The following NEK7 variants were observed in gnomAD, a reference collection of about 807,000 sequenced individuals.
NEK7 encodes the protein NIMA related kinase 7.
NEK7 carries 18 observed loss-of-function variants against 44.6 expected under a neutral mutation model. That is an observed-to-expected ratio of 0.40 (90% CI 0.28 to 0.60). NEK7 has a LOEUF of 0.60. NEK7 is among the 20% of genes least tolerant of loss of function. The pLI, the probability that NEK7 is intolerant of heterozygous loss-of-function variation, is 0.38. For synonymous variants in NEK7, 130 were observed against 121.1 expected, an observed-to-expected ratio of 1.07 and a Z score of -0.48; for missense variants, 256 against 366.5, an observed-to-expected ratio of 0.70 and a Z score of 2.46.
chr1:198,312,470 C>T (rs1655220007), intron 9 of NEK7, among the ~76,000 whole-genome samples: 2 of 151,864 alleles, frequency 1.3e-5, no homozygotes. Flanking sequence ...TTATTTCTTG[C>T]CTTGTGCTAG....
chr1:198,279,363 G>A (rs116625206), intron 7 of NEK7, among the ~76,000 whole-genome samples: 85 of 151,850 alleles, frequency 5.6e-4, no homozygotes, highest in African/African-American at 2.0e-3. Context: ...TAGATAATAT[G>A]GTGATTAAGC....
intron 8 of NEK7, among the ~76,000 whole-genome samples, chr1:198,294,966 C>T (rs1654667581): frequency 6.6e-6 from 1 of 151,854 alleles, no homozygotes; most frequent in South Asian, 2.1e-4. Context: ...TTGGTCATAA[C>T]ATCACGTATT....
intron 1 of NEK7, among the ~76,000 whole-genome samples, chr1:198,194,179 A>T (rs952261134): frequency 3.9e-5 from 6 of 152,160 alleles, no homozygotes; most frequent in Non-Finnish European, 8.8e-5. Flanking sequence ...GGAAATCCGG[A>T]TGGAGATGTT....
At chr1:198,216,391 C>CA (rs1665920966) in intron 1 of NEK7, among the ~76,000 whole-genome samples, 1 of 151,880 alleles carries the variant, frequency 6.6e-6, no homozygotes. Context: ...TGAATGATAA[C>CA]AGTGGCACAA....
chr1:198,206,245 A>C (rs953642017), intron 1 of NEK7, among the ~76,000 whole-genome samples: 1 of 152,194 alleles, frequency 6.6e-6, no homozygotes, highest in Non-Finnish European at 1.5e-5. Flanking sequence ...AATTAAGTAC[A>C]TTCATTAGGG....
At chr1:198,220,403 T>G (rs1666048902) in intron 1 of NEK7, among the ~76,000 whole-genome samples, 1 of 152,042 alleles carries the variant, frequency 6.6e-6, no homozygotes, top group African/African-American at 2.4e-5. Flanking sequence ...CCAAGATTGG[T>G]ATTAGGTTAG....
chr1:198,285,380 AAC>A (rs1396437321), intron 7 of NEK7, among the ~76,000 whole-genome samples: 1 of 152,190 alleles, frequency 6.6e-6, no homozygotes, highest in Non-Finnish European at 1.5e-5. Flanking sequence ...TGCAAGAAGA[AAC>A]AATACAAAAA....
chr1:198,282,373 C>A (rs1440543472), intron 7 of NEK7, among the ~76,000 whole-genome samples: 1 of 152,028 alleles, frequency 6.6e-6, no homozygotes, highest in Non-Finnish European at 1.5e-5. Context: ...TCTAGCTTCC[C>A]ACTCTGATTA....
intron 3 of NEK7, among the ~76,000 whole-genome samples, chr1:198,262,144 G>C (rs951842579): frequency 6.6e-6 from 1 of 151,846 alleles, no homozygotes; most frequent in Non-Finnish European, 1.5e-5. Context: ...TTGATTAGCT[G>C]TGTGACCTTT....
chr1:198,288,977 T>C (rs964789652), intron 7 of NEK7, among the ~76,000 whole-genome samples: 6 of 152,174 alleles, frequency 3.9e-5, no homozygotes, highest in African/African-American at 1.4e-4. Context: ...AGAAGAAATA[T>C]TGATCTCCTA....
At chr1:198,252,627 G>T (rs1161737584) in intron 2 of NEK7, among the ~76,000 whole-genome samples, 2 of 91,158 alleles carry the variant, frequency 2.2e-5, no homozygotes, top group South Asian at 4.4e-4. Flanking sequence ...ACATGTATAT[G>T]TATGTTTTAT....
intron 7 of NEK7, among the ~76,000 whole-genome samples, chr1:198,282,126 C>T (rs954386293): frequency 4.6e-5 from 7 of 152,092 alleles, no homozygotes. Context: ...TCTCTACTTT[C>T]CGTTCCCTCA....
chr1:198,264,842 A>G (rs764557286), intron 5 of NEK7, among the ~76,000 whole-genome samples: 5 of 152,036 alleles, frequency 3.3e-5, no homozygotes, highest in Non-Finnish European at 5.9e-5. Context: ...TGGGCCAGTT[A>G]CTTCTCTGTG....
chr1:198,256,210 C>T, intron 3 of NEK7: 7 of 1,175,856 alleles, frequency 6.0e-6, no homozygotes, highest in South Asian at 5.1e-5. Context: ...AATGAGATAC[C>T]ATCCAGAATC....
At chr1:198,211,950 G>A (rs554441995) in intron 1 of NEK7, among the ~76,000 whole-genome samples, 1 of 152,326 alleles carries the variant, frequency 6.6e-6, no homozygotes, top group South Asian at 2.1e-4. Flanking sequence ...AGGGGAGCGG[G>A]ACAATCCAGG....
At position 198,268,795 on chromosome 1, in the gene NEK7, AC is replaced by A. The variant is rs1653743654; in HGVS notation, c.372+4561del. Among the ~76,000 whole-genome samples the A allele has an allele frequency of 8.5e-5, 13 of 152,204 alleles. No individual in the cohort carries two copies. In the South Asian group the frequency reaches 2.7e-3, roughly 32 times the overall value. The stretch of plus-strand genomic sequence containing the variant: ...CCAAGTGCCTAGAGCAGTGCCTAGC[AC>A]AGAGCTTGTGCTCAGCATATATTTG... On this transcript the variant is annotated intron_variant, in intron 5 of 9. Coordinates refer to ENST00000367385, the MANE Select transcript of NEK7 (RefSeq NM_133494.3).
chr1:198,230,806 C>T (rs921605747), intron 1 of NEK7, among the ~76,000 whole-genome samples: 1 of 151,922 alleles, frequency 6.6e-6, no homozygotes, highest in East Asian at 1.9e-4. Flanking sequence ...AATTAAAAAA[C>T]CCCACCATTT....
intron 1 of NEK7, among the ~76,000 whole-genome samples, chr1:198,162,355 G>A (rs1343342601): frequency 1.3e-5 from 2 of 152,088 alleles, no homozygotes; most frequent in African/African-American, 4.8e-5. Context: ...CTCTTTATCT[G>A]ACCCTGCTGC....
intron 9 of NEK7, among the ~76,000 whole-genome samples, chr1:198,308,164 G>T (rs1655069912): frequency 6.6e-6 from 1 of 152,088 alleles, no homozygotes; most frequent in African/African-American, 2.4e-5. Flanking sequence ...AATGGTACCT[G>T]CCATTAAGCA....
Sources: allele counts gnomAD v4.1 joint callset (sites outside exome capture counted in the v4.1 genomes callset), GRCh38; gene constraint gnomAD v4.1.1; transcripts MANE v1.5; gene names NCBI Gene and HGNC (gene_info 2026-07-23, HGNC 2026-07-21).